Variants in TBC1D16 observed in about 807,000 individuals in gnomAD.
TBC1D16 encodes CTD-2529O21.1.
A neutral mutation model predicts 74.7 loss-of-function variants in TBC1D16; 58 were observed. That is an observed-to-expected ratio of 0.78 (90% CI 0.63 to 0.97). The LOEUF is 0.97. Ranked by LOEUF, TBC1D16 falls within the 50% of genes least tolerant of loss-of-function variation. TBC1D16 has a pLI of 0.00. For missense variants in TBC1D16, 1,014 were observed against 1,079.5 expected (o/e 0.94, Z 0.85); for synonymous variants, 493 against 474.7 (o/e 1.04, Z -0.50).
At chr17:79,965,394 T>TA (rs1167016835) in intron 3 of TBC1D16, among the ~76,000 whole-genome samples, 3 of 152,158 alleles carry the variant, frequency 2.0e-5, no homozygotes, top group South Asian at 2.1e-4. Flanking sequence ...TACTAATTTT[T>TA]AAAAAAAGAA....
chr17:79,956,100 C>T lies in TBC1D16; in HGVS notation c.780-3282G>A, dbSNP rs544162749. Among the ~76,000 whole-genome samples, 24 of 152,276 alleles carry T rather than the reference C, an allele frequency of 1.6e-4. No individual in the cohort carries two copies. The highest frequency in any genetic ancestry group is 4.8e-4 in the African/African-American group (20 of 41,548). On this transcript the variant is annotated intron_variant, in intron 3 of 11. Transcript: ENST00000310924. This position sits in a 1 kb window ranked among gnomAD's most constrained non-coding sequence, Gnocchi z 4.0. ...CAACTGGCAGTCAGCACCAGAGCCC[C>T]GACACCTGTCAATGGAGGCCGTTCC...
At chr17:80,015,689 A>G (rs1183247081) in intron 1 of TBC1D16, among the ~76,000 whole-genome samples, 1 of 152,220 alleles carries the variant, frequency 6.6e-6, no homozygotes. Flanking sequence ...CAAATGTGGT[A>G]CAGTGGAATA....
At chr17:79,984,555 A>AAAG (rs1278862847) in intron 3 of TBC1D16, among the ~76,000 whole-genome samples, 5 of 98,692 alleles carry the variant, frequency 5.1e-5, no homozygotes, top group Non-Finnish European at 8.3e-5. Flanking sequence ...AATTAAAAAG[A>AAAG]AAGAAAGAGA....
chr17:79,957,292 G>A (rs1046142530), intron 3 of TBC1D16, among the ~76,000 whole-genome samples: 2 of 152,194 alleles, frequency 1.3e-5, no homozygotes, highest in Non-Finnish European at 2.9e-5. Flanking sequence ...TCCTTTGGTA[G>A]TGAATGGATA....
chr17:79,963,504 G>A (rs913625399), intron 3 of TBC1D16, among the ~76,000 whole-genome samples: 3 of 152,154 alleles, frequency 2.0e-5, no homozygotes, highest in African/African-American at 7.2e-5. Context: ...CAATTGACGG[G>A]TTGCTCTATG....
At chr17:80,024,830 T>A (rs914974904) in intron 1 of TBC1D16, among the ~76,000 whole-genome samples, 7 of 139,454 alleles carry the variant, frequency 5.0e-5, no homozygotes, top group African/African-American at 2.0e-4. Context: ...ACACACGCAC[T>A]ACATACACAC....
At chr17:79,968,811 C>T (rs748594142) in intron 3 of TBC1D16, among the ~76,000 whole-genome samples, 19 of 131,234 alleles carry the variant, frequency 1.4e-4, no homozygotes, top group Non-Finnish European at 2.5e-4. Flanking sequence ...TGAGATCGCA[C>T]CACTGCACTC....
At chr17:79,945,512 C>T (rs1385309340) in intron 9 of TBC1D16, among the ~76,000 whole-genome samples, 1 of 152,228 alleles carries the variant, frequency 6.6e-6, no homozygotes, top group African/African-American at 2.4e-5. Context: ...CCAGATCTAT[C>T]ATCTTCCAGA....
Position 79,994,967 on chromosome 17 carries a change from C to G in TBC1D16, c.779+15193G>C, listed in dbSNP as rs1490626358. Among the ~76,000 whole-genome samples the G allele has an allele frequency of 1.3e-5, 2 of 152,172 alleles. No individual in the cohort carries two copies. The highest frequency in any genetic ancestry group is 1.9e-4 in the East Asian group (1 of 5,194). ...GCTGGGTAATTTACAAAAATTTTCACCTTTTTGTTTGTTTTCTTTTTGTTT... is the reference window on the plus strand; with the variant it reads ...GCTGGGTAATTTACAAAAATTTTCAGCTTTTTGTTTGTTTTCTTTTTGTTT... On this transcript the variant is annotated intron_variant, in intron 3 of 11. Transcript: ENST00000310924. The surrounding 1 kb of genome is among the most constrained non-coding windows in gnomAD (Gnocchi z 4.6).
chr17:80,031,303 T>A (rs529396574), intron 1 of TBC1D16, among the ~76,000 whole-genome samples: 1 of 152,290 alleles, frequency 6.6e-6, no homozygotes, highest in African/African-American at 2.4e-5. Context: ...ATAAAGATAC[T>A]GGCTGCACAC....
intron 3 of TBC1D16, among the ~76,000 whole-genome samples, chr17:79,963,932 G>GGTTT (rs981785040): frequency 6.6e-6 from 1 of 151,912 alleles, no homozygotes; most frequent in African/African-American, 2.4e-5. Flanking sequence ...GGTTGTTTGG[G>GGTTT]GTTTGTTTTT....
intron 3 of TBC1D16, among the ~76,000 whole-genome samples, chr17:79,960,809 A>AAAAAAAAAAAAAAAATC (rs2033576160): frequency 7.3e-6 from 1 of 136,146 alleles, no homozygotes; most frequent in Non-Finnish European, 1.6e-5. Context: ...AAAAAAAAAA[A>AAAAAAAAAAAAAAAATC]CGAAGGAATG....
chr17:79,942,365 C>T (rs541704924), intron 10 of TBC1D16, among the ~76,000 whole-genome samples, 159 bp from the exon 11 acceptor site: 4 of 152,282 alleles, frequency 2.6e-5, no homozygotes, highest in East Asian at 3.9e-4. Flanking sequence ...CAAGCTGCAC[C>T]GCCTCTTCGG....
rs763731764 is a variant in TBC1D16, at chr17:79,950,567, G to C, written c.1101C>G (p.Pro367=). 3 of 1,612,430 alleles carry C rather than the reference G, an allele frequency of 1.9e-6. No homozygotes were observed. The highest frequency in any genetic ancestry group is 2.5e-6 in the Non-Finnish European group (3 of 1,179,608). ...TGGAGAACTGCATGCATGTCTTATC[G>C]GGGGCGACCTGCTGGACGGGAGGAA... ...EMQLKDQQVA[P]DKTCMQFSIR... The change falls in exon 6 of 12, where the codon CCC becomes CCG. Residue 367 remains proline, a synonymous_variant. Coordinates refer to ENST00000310924, the MANE Select transcript of TBC1D16 (RefSeq NM_019020.4). The surrounding 1 kb of genome is among the most constrained non-coding windows in gnomAD (Gnocchi z 4.6).
At chr17:79,948,753 G>A (rs889235551) in intron 8 of TBC1D16, 119 bp downstream of exon 8, 8 of 1,321,716 alleles carry the variant, frequency 6.1e-6, no homozygotes, top group African/African-American at 1.5e-5. Context: ...GGGCTTTGAT[G>A]TATGAACCTG....
chr17:79,941,072 G>C lies in TBC1D16; in HGVS notation c.2091C>G (p.Pro697=). 3.1e-6 allele frequency: 5 copies of C among 1,593,178 alleles called. No individual in the cohort carries two copies. Among genetic ancestry groups the C allele is most frequent in the Non-Finnish European group, 4.3e-6 (5 of 1,169,568 alleles). The change falls in exon 12 of 12, where the codon CCC becomes CCG. Residue 697 remains proline, a synonymous_variant. Coordinates refer to ENST00000310924, the MANE Select transcript of TBC1D16 (RefSeq NM_019020.4). This position sits in a 1 kb window ranked among gnomAD's most constrained non-coding sequence, Gnocchi z 4.3. ...RSLLYQFRLL[P]RIPCSLHDLC... is the part of the protein sequence containing the mutation. ...GATCGTGCAGGCTGCAGGGGATCCG[G>C]GGCAGGAGGCGGAACTGGTACAGCA...
At position 80,007,594 on chromosome 17, in the gene TBC1D16, C is replaced by T. The variant is rs1167882145; in HGVS notation, c.779+2566G>A. Among the ~76,000 whole-genome samples, 1 of 152,186 alleles carries T rather than the reference C, an allele frequency of 6.6e-6. No homozygotes were observed. The highest frequency in any genetic ancestry group is 2.4e-5 in the African/African-American group (1 of 41,452). ...AGGGGGCCATGGGGAGGGCCCTCCT[C>T]AGCCCAGGGTTCGGGGGAATAGAGA... On this transcript the variant is annotated intron_variant, in intron 3 of 11. Coordinates refer to ENST00000310924, the MANE Select transcript of TBC1D16 (RefSeq NM_019020.4). The surrounding 1 kb of genome is among the most constrained non-coding windows in gnomAD (Gnocchi z 4.5).
At chr17:80,019,165 C>A (rs1042448059) in intron 1 of TBC1D16, among the ~76,000 whole-genome samples, 2 of 150,162 alleles carry the variant, frequency 1.3e-5, no homozygotes, top group Non-Finnish European at 2.9e-5. Context: ...GTTTTGCCAG[C>A]ACTGAGGATA....
chr17:79,941,719 G>A lies in TBC1D16; in HGVS notation c.2055+341C>T, dbSNP rs983437111. On this transcript the variant is annotated intron_variant, in intron 11 of 11. Transcript: ENST00000310924. This position sits in a 1 kb window ranked among gnomAD's most constrained non-coding sequence, Gnocchi z 4.3. Reference sequence around the variant, plus strand: ...CTCCTTCTCAGTGTTCCCAGTTCTGGGTTGTAAGCGAGGTACCCCAGGGTA... The same window carrying A: ...CTCCTTCTCAGTGTTCCCAGTTCTGAGTTGTAAGCGAGGTACCCCAGGGTA... Among the ~76,000 whole-genome samples the A allele has an allele frequency of 2.0e-5, 3 of 152,212 alleles. No individual in the cohort carries two copies. The East Asian group carries it at 5.8e-4, about 29-fold the overall frequency.
Sources: allele counts gnomAD v4.1 joint callset (sites outside exome capture counted in the v4.1 genomes callset), GRCh38; gene constraint gnomAD v4.1.1; non-coding constraint Gnocchi (gnomAD v3.1); transcripts MANE v1.5; gene names NCBI Gene and HGNC (gene_info 2026-07-23, HGNC 2026-07-21).